The following CCDC47 variants were observed in gnomAD, a reference collection of about 807,000 sequenced individuals.
The protein encoded by CCDC47 is coiled-coil domain containing 47.
CCDC47 carries 41 observed loss-of-function variants against 60.5 expected under a neutral mutation model. That is an observed-to-expected ratio of 0.68 (90% CI 0.53 to 0.88). The LOEUF is 0.88. CCDC47 is among the 40% of genes least tolerant of loss of function. The pLI is 0.00. For missense variants in CCDC47, 513 were observed against 580.9 expected, an observed-to-expected ratio of 0.88 and a Z score of 1.20; for synonymous variants, 195 against 190.7, an observed-to-expected ratio of 1.02 and a Z score of -0.18.
At chr17:63,769,760 G>A (rs775454710) in intron 1 of CCDC47, among the ~76,000 whole-genome samples, 6 of 152,062 alleles carry the variant, frequency 3.9e-5, no homozygotes, top group Admixed American at 1.3e-4. Flanking sequence ...ACTAATGATA[G>A]CCAATAAGCT....
Position 63,746,939 on chromosome 17 carries a change from T to G in CCDC47, c.1394A>C (p.Gln465Pro). The G allele has an allele frequency of 6.2e-7, 1 of 1,613,742 alleles. No individual in the cohort carries two copies. The highest frequency in any genetic ancestry group is 1.7e-4 in the Middle Eastern group (1 of 6,060). Residue 465 changes from glutamine (Q) to proline (P), a missense_variant, in exon 13 of 13, where the codon CAA becomes CCA. Transcript: ENST00000225726. ...RLEEAALRRE[Q>P]KKLEKKQMKM... Reference sequence around the variant, plus strand: ...CATTTGCTTCTTTTCCAACTTCTTTTGCTCACGCCTCAATGCAGCCTCCTA... The same window carrying G: ...CATTTGCTTCTTTTCCAACTTCTTTGGCTCACGCCTCAATGCAGCCTCCTA...
chr17:63,771,395 G>C (rs1397663600), intron 1 of CCDC47, among the ~76,000 whole-genome samples: 1 of 151,998 alleles, frequency 6.6e-6, no homozygotes, highest in Non-Finnish European at 1.5e-5. Context: ...TATTCTCAAG[G>C]GGTCCTGGAA....
chr17:63,747,020 A>G, intron 12 of CCDC47, 59 bp from the exon 13 acceptor site: 1 of 1,586,086 alleles, frequency 6.3e-7, no homozygotes, highest in African/African-American at 1.3e-5. Context: ...AATTCAAATT[A>G]AGCTTGAAAC....
At chr17:63,767,730 AAAC>A (rs1443099125) in intron 1 of CCDC47, among the ~76,000 whole-genome samples, 1 of 152,132 alleles carries the variant, frequency 6.6e-6, no homozygotes, top group African/African-American at 2.4e-5. Context: ...AAAAACTTTA[AAAC>A]AATATAAAGA....
intron 2 of CCDC47, 156 bp downstream of exon 2, chr17:63,765,756 G>A: frequency 7.1e-7 from 1 of 1,400,172 alleles, no homozygotes; most frequent in East Asian, 2.4e-5. Flanking sequence ...TGTAAAAGGT[G>A]GAAACTTACC....
At position 63,756,235 on chromosome 17, in the gene CCDC47, T is replaced by C. The variant is rs766040430; in HGVS notation, c.948+5A>G. On this transcript the variant is annotated splice_donor_5th_base_variant and intron_variant, in intron 8 of 12. Transcript: ENST00000225726. ...TGGCAAATGTATGTCTTCTGTCGCA[T>C]TTACCTTTGTATCCATCATTCCGTC... The C allele has an allele frequency of 1.7e-5, 27 of 1,602,320 alleles. No individual in the cohort carries two copies. Among genetic ancestry groups the C allele is most frequent in the Non-Finnish European group, 2.1e-5 (25 of 1,169,278 alleles).
At chr17:63,765,234 T>C (rs942970623) in intron 2 of CCDC47, among the ~76,000 whole-genome samples, 2 of 152,100 alleles carry the variant, frequency 1.3e-5, no homozygotes, top group African/African-American at 2.4e-5. Context: ...CACTATGTTG[T>C]GCACCTTAAA....
rs753965476 is a variant in CCDC47, at chr17:63,752,019, G to C, written c.1292C>G (p.Ser431Cys). 8 of 1,613,396 alleles carry C rather than the reference G, an allele frequency of 5.0e-6. No homozygotes were observed. The highest frequency in any genetic ancestry group is 6.8e-6 in the Non-Finnish European group (8 of 1,179,966). Residue 431 changes from serine to cysteine, a missense_variant, in exon 12 of 13, where the codon TCT becomes TGT. Physicochemically the swap from Ser to Cys is moderately radical, Grantham distance 112. Coordinates refer to ENST00000225726, the MANE Select transcript of CCDC47 (RefSeq NM_020198.3). Reference protein sequence around the residue: ...THVQRQEAAQSRREEKKRAEK... With the variant: ...THVQRQEAAQCRREEKKRAEK... ...TGCTCTTTTTTTCTCCTCCCGCCGA[G>C]ACTGTGCTGCTTCCTGTCTTTGCAC...
intron 12 of CCDC47, chr17:63,747,627 T>G (rs1473763709): frequency 2.0e-6 from 2 of 985,250 alleles, no homozygotes; most frequent in Non-Finnish European, 2.4e-6. Flanking sequence ...TGGCCACTAG[T>G]GGTCACACCT....
intron 12 of CCDC47, among the ~76,000 whole-genome samples, chr17:63,749,131 G>A (rs1313755899): frequency 6.6e-6 from 1 of 152,104 alleles, no homozygotes; most frequent in Non-Finnish European, 1.5e-5. Flanking sequence ...AAATAGCTGG[G>A]CGTAGTGGCT....
chr17:63,760,368 G>T (rs2039249350), intron 6 of CCDC47, among the ~76,000 whole-genome samples: 1 of 152,136 alleles, frequency 6.6e-6, no homozygotes, highest in African/African-American at 2.4e-5. Flanking sequence ...TGATCTATGT[G>T]GTGACAGAGT....
Position 63,756,451 on chromosome 17 carries a change from T to C in CCDC47, c.837+18A>G. The C allele has an allele frequency of 6.2e-7, 1 of 1,607,244 alleles. No homozygotes were observed. Among genetic ancestry groups the C allele is most frequent in the East Asian group, 2.2e-5 (1 of 44,854 alleles). On this transcript the variant is annotated intron_variant, in intron 7 of 12. Coordinates refer to ENST00000225726, the MANE Select transcript of CCDC47 (RefSeq NM_020198.3). Reference sequence around the variant, plus strand: ...GACACAGTTCTACGTATATTTGAGTTGGAGCAACCTGACATACCAAATCCT... The same window carrying C: ...GACACAGTTCTACGTATATTTGAGTCGGAGCAACCTGACATACCAAATCCT...
intron 6 of CCDC47, among the ~76,000 whole-genome samples, chr17:63,759,535 A>T (rs28433375): frequency 1.5e-4 from 5 of 32,902 alleles, no homozygotes; most frequent in African/African-American, 2.8e-4. Context: ...ATTTATATAT[A>T]TATATATATA....
In CCDC47 at chr17:63,761,285, TAG is replaced by T; in HGVS notation, c.612_613del (p.Tyr205Ter). On this transcript the variant is annotated frameshift_variant, in exon 5 of 13. Coordinates refer to ENST00000225726, the MANE Select transcript of CCDC47 (RefSeq NM_020198.3). LOFTEE classifies it high-confidence loss of function. ...CACTCGACCAGAACACCACAGGTTA[TAG>T]ATGTGCTCATTCTCCTGGTTCAACT... is the stretch of plus-strand genomic sequence containing the variant. 6.2e-7 allele frequency: 1 copy of T among 1,614,054 alleles called. No homozygotes were observed. The highest frequency in any genetic ancestry group is 1.3e-5 in the African/African-American group (1 of 75,010).
intron 1 of CCDC47, among the ~76,000 whole-genome samples, chr17:63,767,843 T>G (rs557754420): frequency 6.6e-6 from 1 of 152,332 alleles, no homozygotes; most frequent in Admixed American, 6.5e-5. Flanking sequence ...CGTATATTAA[T>G]ATCAATCACA....
At position 63,773,399 on chromosome 17, in the gene CCDC47, G is replaced by C. The variant is rs1169052919; in HGVS notation, c.-20+13C>G. The C allele has an allele frequency of 6.6e-6, 1 of 152,350 alleles. No homozygotes were observed. Among genetic ancestry groups the C allele is most frequent in the Non-Finnish European group, 1.5e-5 (1 of 68,150 alleles). The allele number at this position is 152,350 out of a possible 1,614,324, so 9.4% of individuals were successfully genotyped here. A position where few individuals can be genotyped will look rare whatever the true frequency, so the allele number is the denominator to read the frequency against. ...CGGCCACGCCGACGAGCGCGTCCTG[G>C]CCCGCTCCTTACCTGTGGCCGAAGC... On this transcript the variant is annotated intron_variant, in intron 1 of 12. Transcript: ENST00000225726.
At chr17:63,760,836 CAAAAAAAA>C in intron 6 of CCDC47, 70 bp downstream of exon 6, 1 of 793,932 alleles carries the variant, frequency 1.3e-6, no homozygotes, top group Non-Finnish European at 1.9e-6. Flanking sequence ...GAGACTCCAT[CAAAAAAAA>C]AAAAAAAAAG....
chr17:63,755,645 C>A (rs2039200020), intron 8 of CCDC47, among the ~76,000 whole-genome samples: 1 of 152,076 alleles, frequency 6.6e-6, no homozygotes, highest in South Asian at 2.1e-4. Context: ...ACATTTATAA[C>A]CATCTCTGAG....
intron 9 of CCDC47, 76 bp downstream of exon 9, chr17:63,754,357 A>G: frequency 1.2e-6 from 1 of 865,814 alleles, no homozygotes; most frequent in Non-Finnish European, 1.9e-6. Context: ...GGGATATTGC[A>G]GAAGCACCTT....
Sources: gnomAD v4.1 joint callset for allele counts (sites outside exome capture counted in the v4.1 genomes callset) on GRCh38, gnomAD v4.1.1 for gene constraint, MANE v1.5 for transcripts, NCBI Gene and HGNC (gene_info 2026-07-23, HGNC 2026-07-21) for gene names.